The following DZIP3 variants were observed in gnomAD, a reference collection of about 807,000 sequenced individuals.
The protein encoded by DZIP3 is DAZ interacting zinc finger protein 3, also known as E3 ubiquitin-protein ligase DZIP3.
In DZIP3, 118 loss-of-function variants were observed where a neutral mutation model predicts 162.0. The observed-to-expected ratio is 0.73, with a 90% confidence interval of 0.63 to 0.85. The LOEUF is 0.85. Ranked by LOEUF, DZIP3 falls within the 40% of genes least tolerant of loss-of-function variation. The pLI, the probability that DZIP3 is intolerant of heterozygous loss-of-function variation, is 0.00. For missense variants in DZIP3, 1,331 were observed against 1,407.0 expected, an observed-to-expected ratio of 0.95 and a Z score of 0.86; for synonymous variants, 438 against 458.6, an observed-to-expected ratio of 0.96 and a Z score of 0.57.
chr3:108,644,472 A>G lies in DZIP3; in HGVS notation c.1450A>G (p.Lys484Glu). The change falls in exon 14 of 33, where the codon AAA becomes GAA. Residue 484 changes from lysine (K) to glutamate (E), a missense_variant. Physicochemically the swap from Lys to Glu is moderately conservative, Grantham distance 56. Around this residue, in one of 2 missense-constraint regions of DZIP3, gnomAD observed 1,278 missense variants for 1,317.1 expected, o/e 0.97. Coordinates refer to ENST00000361582, the MANE Select transcript of DZIP3 (RefSeq NM_014648.4). Reference protein sequence around the residue: ...IKHLNVFPAPKKGWNMEPPSS... With the variant: ...IKHLNVFPAPEKGWNMEPPSS... The stretch of plus-strand genomic sequence containing the variant: ...ACATTTAAATGTGTTCCCTGCACCC[A>G]AAAAAGGATGGAATATGGAACCGCC... 1 of 1,614,028 alleles carries G rather than the reference A, an allele frequency of 6.2e-7. No individual in the cohort carries two copies. Among genetic ancestry groups the G allele is most frequent in the Non-Finnish European group, 8.5e-7 (1 of 1,179,922 alleles).
intron 18 of DZIP3, among the ~76,000 whole-genome samples, chr3:108,653,668 G>T (rs1418457852): frequency 2.6e-5 from 4 of 151,482 alleles, no homozygotes; most frequent in Non-Finnish European, 5.9e-5. Context: ...TCTATTTTAT[G>T]ATGCTGTTTT....
chr3:108,643,244 G>C (rs1942476846), intron 13 of DZIP3, among the ~76,000 whole-genome samples: 1 of 152,032 alleles, frequency 6.6e-6, no homozygotes, highest in South Asian at 2.1e-4. Context: ...TAAATTATTA[G>C]TACTTTCTAA....
chr3:108,650,703 G>A (rs112932829), intron 17 of DZIP3, among the ~76,000 whole-genome samples: 36 of 151,390 alleles, frequency 2.4e-4, no homozygotes, highest in African/African-American at 5.6e-4. Flanking sequence ...TTTCAAGAAC[G>A]CTTGTAGTGT....
intron 1 of DZIP3, among the ~76,000 whole-genome samples, chr3:108,591,774 G>A (rs1184244421): frequency 6.6e-6 from 1 of 152,084 alleles, no homozygotes; most frequent in Non-Finnish European, 1.5e-5. Flanking sequence ...TAAGGCAGGA[G>A]GACCTTGAAC....
chr3:108,628,491 T>A (rs1211253443), intron 7 of DZIP3, among the ~76,000 whole-genome samples: 1 of 152,172 alleles, frequency 6.6e-6, no homozygotes, highest in Non-Finnish European at 1.5e-5. Flanking sequence ...CTGAGCTTCA[T>A]TTTCAGCATA....
chr3:108,630,459 A>G (rs917771328), intron 8 of DZIP3, among the ~76,000 whole-genome samples: 13 of 152,234 alleles, frequency 8.5e-5, no homozygotes, highest in African/African-American at 3.1e-4. Context: ...ATGGGACAAA[A>G]ACTGACAGAA....
intron 5 of DZIP3, among the ~76,000 whole-genome samples, chr3:108,620,525 A>G (rs899269568): frequency 1.3e-5 from 2 of 152,224 alleles, no homozygotes; most frequent in African/African-American, 4.8e-5. Flanking sequence ...GTGCCATTTT[A>G]TCAAATGTGT....
At position 108,589,809 on chromosome 3, in the gene DZIP3, G is replaced by A. The variant is rs1160141771; in HGVS notation, c.-103G>A. 1 of 157,326 alleles carries A rather than the reference G, an allele frequency of 6.4e-6. No individual in the cohort carries two copies. The highest frequency in any genetic ancestry group is 1.9e-4 in the East Asian group (1 of 5,292). 9.7% of individuals were successfully genotyped at this position (157,326 alleles called of 1,614,324 possible). A position where few individuals can be genotyped will look rare whatever the true frequency, so the allele number is the denominator to read the frequency against. ...CGTTTGTGCGTCATCCTCTACCTGA[G>A]AAATGGTCGCTTGCCCCTAGTCTAG... On this transcript the variant is annotated 5_prime_UTR_variant, in exon 1 of 33. Transcript: ENST00000361582.
In DZIP3 at chr3:108,619,209, A is replaced by G. The variant is rs149609070; in HGVS notation, c.375+2552A>G. ...AAGATAGGGTTATAATCTTCAGTCA[A>G]TATAGAGCTTATGAGCAGAGGAGTC... On this transcript the variant is annotated intron_variant, in intron 5 of 32. Coordinates refer to ENST00000361582, the MANE Select transcript of DZIP3 (RefSeq NM_014648.4). Among the ~76,000 whole-genome samples the G allele has an allele frequency of 1.4e-3, 210 of 152,168 alleles. 1 individual carries two copies. Among genetic ancestry groups the G allele is most frequent in the African/African-American group, 4.6e-3 (189 of 41,528 alleles).
intron 32 of DZIP3, 93 bp downstream of exon 32, chr3:108,690,996 T>A (rs1576480793): frequency 1.0e-6 from 1 of 988,762 alleles, no homozygotes; most frequent in Non-Finnish European, 1.5e-6. Context: ...AATATAGTGC[T>A]AAAGAAGCCA....
chr3:108,654,544 A>G lies in DZIP3; in HGVS notation c.2199+234A>G, dbSNP rs940737822. 7 of 472,554 alleles carry G rather than the reference A, an allele frequency of 1.5e-5. No homozygotes were observed. The Admixed American group carries it at 1.8e-4, about 12-fold the overall frequency. 29.3% of individuals were successfully genotyped at this position (472,554 alleles called of 1,614,324 possible). On this transcript the variant is annotated intron_variant, in intron 19 of 32. Coordinates refer to ENST00000361582, the MANE Select transcript of DZIP3 (RefSeq NM_014648.4). ...GCCCTCAAACCATTTCCTGGCTTTA[A>G]TTATAGGGCAAAGTTGATTACAAAT...
chr3:108,659,639 G>T (rs1943324263), intron 19 of DZIP3, among the ~76,000 whole-genome samples: 1 of 151,980 alleles, frequency 6.6e-6, no homozygotes, highest in Non-Finnish European at 1.5e-5. Context: ...TCTGGCCAGG[G>T]CAATCAGGCA....
intron 7 of DZIP3, among the ~76,000 whole-genome samples, chr3:108,628,602 A>C (rs1468479092): frequency 6.6e-6 from 1 of 152,230 alleles, no homozygotes; most frequent in East Asian, 1.9e-4. Context: ...GAGGCTGTGC[A>C]TTCAATATCA....
chr3:108,648,231 C>A, intron 16 of DZIP3, 119 bp downstream of exon 16: 1 of 957,866 alleles, frequency 1.0e-6, no homozygotes, highest in Non-Finnish European at 1.5e-6. Flanking sequence ...AGTGTTTATA[C>A]AGAGCTTGAA....
intron 12 of DZIP3, among the ~76,000 whole-genome samples, chr3:108,641,312 A>T (rs914217163): frequency 1.3e-5 from 2 of 152,102 alleles, no homozygotes; most frequent in Non-Finnish European, 2.9e-5. Flanking sequence ...TTTGAACATT[A>T]TATATGGAAA....
upstream of DZIP3, chr3:108,589,602 C>T: frequency 2.5e-6 from 1 of 406,516 alleles, no homozygotes; most frequent in East Asian, 4.1e-5. Context: ...GGGTTGGGAG[C>T]TGCCCCCGCT....
At chr3:108,645,164 A>G (rs185055937) in intron 14 of DZIP3, among the ~76,000 whole-genome samples, 3 of 152,312 alleles carry the variant, frequency 2.0e-5, no homozygotes, top group Admixed American at 2.0e-4. Flanking sequence ...GAGAGTTCAT[A>G]GAGTACATTC....
chr3:108,640,530 C>T (rs1450006328), intron 12 of DZIP3, among the ~76,000 whole-genome samples: 1 of 150,950 alleles, frequency 6.6e-6, no homozygotes, highest in Non-Finnish European at 1.5e-5. Context: ...ACTGCAATCT[C>T]CACCTCCCAG....
At chr3:108,610,264 C>T (rs1026325135) in intron 3 of DZIP3, among the ~76,000 whole-genome samples, 2 of 152,182 alleles carry the variant, frequency 1.3e-5, no homozygotes, top group Non-Finnish European at 2.9e-5. Context: ...TAACCTCCTA[C>T]AAGTGGATAC....
Sources: allele counts gnomAD v4.1 joint callset (sites outside exome capture counted in the v4.1 genomes callset), GRCh38; gene constraint gnomAD v4.1.1; regional missense constraint gnomAD v4.1.1; transcripts MANE v1.5; gene names NCBI Gene and HGNC (gene_info 2026-07-23, HGNC 2026-07-21).